Variants in LMX1A observed in about 807,000 individuals in gnomAD.
LMX1A encodes LIM homeobox transcription factor 1 alpha.
In LMX1A, 15 loss-of-function variants were observed where a neutral mutation model predicts 49.1. That is an observed-to-expected ratio of 0.31 (90% CI 0.20 to 0.47). The LOEUF is 0.47. Ranked by LOEUF, LMX1A falls within the 20% of genes least tolerant of loss-of-function variation. The pLI is 1.00. For missense variants in LMX1A, 372 were observed against 475.8 expected (o/e 0.78, Z 2.03); for synonymous variants, 167 against 185.7 (o/e 0.90, Z 0.82).
At chr1:165,356,023 A>C (rs1170649112) in intron 1 of LMX1A, 1 of 156,296 alleles carries the variant, frequency 6.4e-6, no homozygotes, top group African/African-American at 2.4e-5. Context: ...ACGCGGGACG[A>C]TGGGGTTTGC....
intron 4 of LMX1A, among the ~76,000 whole-genome samples, chr1:165,238,042 A>G (rs923720369): frequency 6.6e-6 from 1 of 152,196 alleles, no homozygotes. Flanking sequence ...CAATCCTAAA[A>G]TTTACTAGTC....
intron 3 of LMX1A, among the ~76,000 whole-genome samples, chr1:165,347,559 AAAAGAAAG>A (rs1348723620): frequency 1.3e-5 from 2 of 152,254 alleles, no homozygotes; most frequent in Non-Finnish European, 2.9e-5. Flanking sequence ...ATCTTCATAA[AAAAGAAAG>A]AAAGAAAATT....
chr1:165,233,192 T>C (rs1190554530), intron 4 of LMX1A, among the ~76,000 whole-genome samples: 1 of 152,222 alleles, frequency 6.6e-6, no homozygotes, highest in Admixed American at 6.5e-5. Context: ...CGGCGGCTCA[T>C]GCCTATAATC....
At chr1:165,305,286 C>T (rs73017243) in intron 3 of LMX1A, among the ~76,000 whole-genome samples, 55 of 152,238 alleles carry the variant, frequency 3.6e-4, no homozygotes, top group African/African-American at 1.3e-3. Context: ...CCAGCAGTGG[C>T]AGGATCCTGG....
In LMX1A at chr1:165,355,767, T is replaced by C. The variant is rs1434588833; in HGVS notation, c.-22-186A>G. The C allele has an allele frequency of 3.4e-6, 2 of 592,692 alleles. No homozygotes were observed. The highest frequency in any genetic ancestry group is 3.7e-5 in the African/African-American group (2 of 53,686). The allele number at this position is 592,692 out of a possible 1,614,324, so 36.7% of individuals were successfully genotyped here. A position where few individuals can be genotyped will look rare whatever the true frequency, so the allele number is the denominator to read the frequency against. On this transcript the variant is annotated intron_variant, in intron 1 of 8. Coordinates refer to ENST00000342310, the MANE Select transcript of LMX1A (RefSeq NM_177398.4). The surrounding 1 kb of genome is among the most constrained non-coding windows in gnomAD (Gnocchi z 4.7). ...ATCAGTCACAGCGAACTGCTCTGGC[T>C]GATCTGATTTCACTTGAAGTCAACA... is the stretch of plus-strand genomic sequence containing the variant.
At chr1:165,354,833 C>G (rs1445522322) in intron 2 of LMX1A, among the ~76,000 whole-genome samples, 1 of 152,250 alleles carries the variant, frequency 6.6e-6, no homozygotes, top group Non-Finnish European at 1.5e-5. Flanking sequence ...CTGGCTTCAG[C>G]TCTGCAAGAC....
At chr1:165,227,396 C>A (rs991338778) in intron 4 of LMX1A, among the ~76,000 whole-genome samples, 5 of 152,094 alleles carry the variant, frequency 3.3e-5, no homozygotes, top group African/African-American at 1.2e-4. Context: ...CAAAAATTAG[C>A]TGGGTATGTT....
intron 4 of LMX1A, among the ~76,000 whole-genome samples, chr1:165,248,755 G>C (rs2102636961): frequency 6.6e-6 from 1 of 152,298 alleles, no homozygotes; most frequent in South Asian, 2.1e-4. Flanking sequence ...GATTGTGGTA[G>C]ACTGAATTAT....
chr1:165,285,489 T>G (rs1654278269), intron 3 of LMX1A, among the ~76,000 whole-genome samples: 1 of 152,242 alleles, frequency 6.6e-6, no homozygotes, highest in Non-Finnish European at 1.5e-5. Flanking sequence ...TTCTAAGAGC[T>G]GTTCTGTGTC....
chr1:165,328,399 C>T (rs545448752), intron 3 of LMX1A, among the ~76,000 whole-genome samples: 4 of 152,316 alleles, frequency 2.6e-5, no homozygotes, highest in African/African-American at 9.6e-5. Context: ...ACAAGTGAGC[C>T]CGATACAAGC....
chr1:165,307,667 A>G (rs1654958499), intron 3 of LMX1A, among the ~76,000 whole-genome samples: 1 of 152,210 alleles, frequency 6.6e-6, no homozygotes, highest in Admixed American at 6.5e-5. Flanking sequence ...CAACAGATCC[A>G]TGTGAGTTTG....
intron 3 of LMX1A, among the ~76,000 whole-genome samples, chr1:165,275,757 A>C (rs1653944930): frequency 6.6e-6 from 1 of 152,064 alleles, no homozygotes; most frequent in Non-Finnish European, 1.5e-5. Flanking sequence ...ATAGGGATGA[A>C]AATGTGCAGC....
intron 3 of LMX1A, among the ~76,000 whole-genome samples, chr1:165,275,407 A>C (rs1201305413): frequency 1.3e-5 from 2 of 152,242 alleles, no homozygotes; most frequent in Non-Finnish European, 2.9e-5. Context: ...ACTGCTCGTT[A>C]GCATTTGTGG....
At chr1:165,212,260 C>T (rs533022905) in intron 5 of LMX1A, among the ~76,000 whole-genome samples, 2 of 152,164 alleles carry the variant, frequency 1.3e-5, no homozygotes, top group African/African-American at 4.8e-5. Flanking sequence ...CCATGCCTTG[C>T]TTTGGCCTGT....
rs933418358 is a variant in LMX1A at position 165,202,410 on chromosome 1, C to T, written c.*1470G>A. On this transcript the variant is annotated 3_prime_UTR_variant, in exon 9 of 9. Coordinates refer to ENST00000342310, the MANE Select transcript of LMX1A (RefSeq NM_177398.4). ...GTTGGAAGGAAGAGCCAAGGGTTTC[C>T]ACTGGAACCTTCTGCCTCTATGAGC... The T allele has an allele frequency of 6.6e-6, 1 of 152,584 alleles. No individual in the cohort carries two copies. The highest frequency in any genetic ancestry group is 1.5e-5 in the Non-Finnish European group (1 of 68,052). 9.5% of individuals were successfully genotyped at this position (152,584 alleles called of 1,614,324 possible).
At chr1:165,248,852 T>C (rs559584529) in intron 4 of LMX1A, among the ~76,000 whole-genome samples, 1 of 152,348 alleles carries the variant, frequency 6.6e-6, no homozygotes, top group Admixed American at 6.5e-5. Flanking sequence ...TTTCTCCTCC[T>C]CTTGACTTTG....
chr1:165,322,428 G>A (rs373818074), intron 3 of LMX1A, among the ~76,000 whole-genome samples: 3 of 152,112 alleles, frequency 2.0e-5, no homozygotes, highest in Admixed American at 2.0e-4. Flanking sequence ...CAACCCAAAT[G>A]TCTACCAAAT....
chr1:165,242,216 G>A (rs1036367640), intron 4 of LMX1A, among the ~76,000 whole-genome samples: 4 of 152,164 alleles, frequency 2.6e-5, no homozygotes, highest in Admixed American at 1.3e-4. Context: ...CATAAGCCTC[G>A]CAGAGCAGTT....
chr1:165,278,985 C>T (rs1436163786), intron 3 of LMX1A, among the ~76,000 whole-genome samples: 2 of 152,206 alleles, frequency 1.3e-5, no homozygotes, highest in Admixed American at 6.5e-5. Context: ...GAAAGAGCTA[C>T]TCTGCATCAA....
Sources: allele counts gnomAD v4.1 joint callset (sites outside exome capture counted in the v4.1 genomes callset), GRCh38; gene constraint gnomAD v4.1.1; non-coding constraint Gnocchi (gnomAD v3.1); transcripts MANE v1.5; gene names NCBI Gene and HGNC (gene_info 2026-07-23, HGNC 2026-07-21).